Variants in RNF216 observed in about 807,000 individuals in gnomAD.
The protein encoded by RNF216 is ring finger protein 216, also known as E3 ubiquitin-protein ligase RNF216.
In RNF216, 72 loss-of-function variants were observed where a neutral mutation model predicts 110.8. The observed-to-expected ratio is 0.65, with a 90% CI of 0.54 to 0.79. RNF216 has a LOEUF of 0.79. Ranked by LOEUF, RNF216 falls within the 30% of genes least tolerant of loss-of-function variation. The probability of loss-of-function intolerance (pLI) is 0.00; values close to 1 mark genes in which losing one functional copy is unlikely to be tolerated. For synonymous variants in RNF216, 495 were observed against 407.5 expected, an observed-to-expected ratio of 1.21 and a Z score of -2.59; for missense variants, 1,342 against 1,141.2, an observed-to-expected ratio of 1.18 and a Z score of -2.54.
At chr7:5,630,526 G>A (rs1787004375) in intron 15 of RNF216, among the ~76,000 whole-genome samples, 1 of 152,122 alleles carries the variant, frequency 6.6e-6, no homozygotes, top group Non-Finnish European at 1.5e-5. Flanking sequence ...CTACAGGTGT[G>A]TATCACCATG....
intron 13 of RNF216, among the ~76,000 whole-genome samples, chr7:5,652,838 C>A (rs1167107678): frequency 6.6e-6 from 1 of 152,008 alleles, no homozygotes; most frequent in Non-Finnish European, 1.5e-5. Context: ...TGGTAAGAAT[C>A]ATTAGAAGGA....
intron 3 of RNF216, among the ~76,000 whole-genome samples, chr7:5,742,158 T>G (rs894182042): frequency 6.6e-6 from 1 of 152,212 alleles, no homozygotes; most frequent in Non-Finnish European, 1.5e-5. Context: ...GCAACTCTTG[T>G]GCCTCAGCCT....
At chr7:5,768,328 G>C (rs7782328) in intron 1 of RNF216, among the ~76,000 whole-genome samples, 1 of 87,112 alleles carries the variant, frequency 1.1e-5, no homozygotes, top group Non-Finnish European at 2.3e-5. Context: ...CCAGTAGTGG[G>C]AGGCCGAGGC....
chr7:5,719,528 A>G (rs1483138693), intron 9 of RNF216, among the ~76,000 whole-genome samples: 3 of 152,202 alleles, frequency 2.0e-5, no homozygotes, highest in Non-Finnish European at 4.4e-5. Context: ...GACTAACTTG[A>G]AGGGGCAGCC....
At chr7:5,656,628 G>A (rs954726555) in intron 13 of RNF216, among the ~76,000 whole-genome samples, 1 of 152,154 alleles carries the variant, frequency 6.6e-6, no homozygotes. Flanking sequence ...CGTTCTTCAC[G>A]TCATCATGGA....
chr7:5,657,824 C>T (rs996452298), intron 13 of RNF216, among the ~76,000 whole-genome samples: 4 of 152,162 alleles, frequency 2.6e-5, no homozygotes, highest in African/African-American at 4.8e-5. Flanking sequence ...GCTGCAACCC[C>T]TGAGAATCAA....
intron 15 of RNF216, among the ~76,000 whole-genome samples, chr7:5,628,976 G>A (rs7791135): frequency 0.015 from 2,259 of 151,954 alleles, 48 homozygotes; most frequent in African/African-American, 0.051. Flanking sequence ...GTGGGTGGAT[G>A]ACTTGAGGCC....
intron 13 of RNF216, among the ~76,000 whole-genome samples, chr7:5,699,573 T>C (rs1011030094): frequency 5.9e-5 from 9 of 152,240 alleles, no homozygotes; most frequent in African/African-American, 9.6e-5. Flanking sequence ...CCTCAGCAGA[T>C]TGGATTTCGT....
At chr7:5,760,193 CA>C (rs1434400464) in intron 2 of RNF216, among the ~76,000 whole-genome samples, 2 of 152,022 alleles carry the variant, frequency 1.3e-5, no homozygotes, top group Non-Finnish European at 2.9e-5. Flanking sequence ...ATTCCCTTTA[CA>C]AATCAATAAA....
chr7:5,662,423 A>C (rs1206825265), intron 13 of RNF216: 1 of 152,204 alleles, frequency 6.6e-6, no homozygotes, highest in African/African-American at 2.4e-5. Flanking sequence ...ACTTGTAAAT[A>C]CTTGCCACTT....
chr7:5,730,299 T>C (rs1444312244), intron 6 of RNF216, among the ~76,000 whole-genome samples: 7 of 152,202 alleles, frequency 4.6e-5, no homozygotes, highest in Non-Finnish European at 7.3e-5. Context: ...TACAGTAAAC[T>C]GTTAACTAGT....
At chr7:5,744,968 A>T (rs939687845) in intron 3 of RNF216, among the ~76,000 whole-genome samples, 5 of 151,710 alleles carry the variant, frequency 3.3e-5, no homozygotes, top group Non-Finnish European at 5.9e-5. Flanking sequence ...CAAAACTCCC[A>T]TCTCCAAAAA....
chr7:5,709,898 GCA>G, intron 13 of RNF216, among the ~76,000 whole-genome samples: 2 of 152,286 alleles, frequency 1.3e-5, no homozygotes, highest in East Asian at 3.9e-4. Flanking sequence ...AGGACTATGG[GCA>G]CACACCACCA....
chr7:5,730,273 T>C (rs1794010882), intron 6 of RNF216, among the ~76,000 whole-genome samples: 2 of 152,218 alleles, frequency 1.3e-5, no homozygotes, highest in South Asian at 2.1e-4. Context: ...AGAGGACATA[T>C]GTATGATAAA....
chr7:5,770,385 T>C (rs764116009), intron 1 of RNF216, among the ~76,000 whole-genome samples: 48 of 150,702 alleles, frequency 3.2e-4, no homozygotes, highest in Admixed American at 1.9e-3. Flanking sequence ...CACTTGAACC[T>C]GGGAGGCGGA....
intron 13 of RNF216, among the ~76,000 whole-genome samples, chr7:5,695,700 T>C (rs1168593412): frequency 2.0e-5 from 3 of 152,192 alleles, no homozygotes; most frequent in Non-Finnish European, 2.9e-5. Context: ...TGTTCTCCCC[T>C]AGTCATCCTC....
At chr7:5,639,042 A>T (rs913518155) in intron 15 of RNF216, among the ~76,000 whole-genome samples, 1 of 152,170 alleles carries the variant, frequency 6.6e-6, no homozygotes, top group African/African-American at 2.4e-5. Flanking sequence ...CTCCACAGAC[A>T]TTCTGGCTGG....
chr7:5,635,373 G>A (rs151034318), intron 15 of RNF216, among the ~76,000 whole-genome samples: 140 of 151,854 alleles, frequency 9.2e-4, no homozygotes, highest in African/African-American at 3.4e-3. Flanking sequence ...TGGAAGCTGG[G>A]TGATGGGACA....
chr7:5,705,957 CAAAACAA>C (rs1562410724), intron 13 of RNF216, among the ~76,000 whole-genome samples: 9 of 150,838 alleles, frequency 6.0e-5, no homozygotes, highest in African/African-American at 2.0e-4. Flanking sequence ...CAAAACAAAA[CAAAACAA>C]AACACCACTC....
Sources: allele counts gnomAD v4.1 joint callset (sites outside exome capture counted in the v4.1 genomes callset), GRCh38; gene constraint gnomAD v4.1.1; transcripts MANE v1.5; gene names NCBI Gene and HGNC (gene_info 2026-07-23, HGNC 2026-07-21).